ZNF503: variants seen among roughly 807,000 people sequenced by gnomAD.
ZNF503 encodes the protein zinc finger protein 503, also known as NocA-like zinc finger 2.
In ZNF503, 15 loss-of-function variants were observed where a neutral mutation model predicts 34.4. The ratio of observed to expected loss-of-function variants is 0.44; its 90% CI spans 0.29 to 0.67. ZNF503 has a LOEUF of 0.67. ZNF503 is among the 30% of genes least tolerant of loss of function. ZNF503 has a pLI of 0.13. For synonymous variants in ZNF503, 580 were observed against 456.8 expected, an observed-to-expected ratio of 1.27 and a Z score of -3.44; for missense variants, 1,007 against 926.8, an observed-to-expected ratio of 1.09 and a Z score of -1.12.
chr10:75,328,129 G>A, the ZNF503 span, among the ~76,000 whole-genome samples: 6 of 152,128 alleles, frequency 3.9e-5, no homozygotes, highest in South Asian at 4.2e-4. Context: ...CTATTTTTGC[G>A]TGTTGCTTAT....
At chr10:75,396,029 C>T (rs985404093), downstream of ZNF503, among the ~76,000 whole-genome samples, 7 of 152,138 alleles carry the variant, frequency 4.6e-5, no homozygotes, top group African/African-American at 1.7e-4. The surrounding 1 kb of genome is among the most constrained non-coding windows in gnomAD (Gnocchi z 4.4). Flanking sequence ...GCCAGGAGCG[C>T]GTGGCCGCTG....
In ZNF503 at chr10:75,401,468, G is replaced by C. The variant is rs1424101419; in HGVS notation, c.-49C>G. 1 of 1,502,708 alleles carries C rather than the reference G, an allele frequency of 6.7e-7. No individual in the cohort carries two copies. The highest frequency in any genetic ancestry group is 8.8e-7 in the Non-Finnish European group (1 of 1,134,276). The allele number at this position is 1,502,708 out of a possible 1,614,324, so 93.1% of individuals were successfully genotyped here. A position where few individuals can be genotyped will look rare whatever the true frequency, so the allele number is the denominator to read the frequency against. On this transcript the variant is annotated 5_prime_UTR_variant, in exon 1 of 2. Transcript: ENST00000372524. Reference sequence around the variant, plus strand: ...AGCGGGGGGGAGGGCTCCGGGAGGCGCGGGGCGGGCTCGGGGCTGCGCGCT... The same window carrying C: ...AGCGGGGGGGAGGGCTCCGGGAGGCCCGGGGCGGGCTCGGGGCTGCGCGCT...
At chr10:75,353,833 G>A in the ZNF503 span, among the ~76,000 whole-genome samples, 2 of 152,224 alleles carry the variant, frequency 1.3e-5, no homozygotes, top group African/African-American at 4.8e-5. Context: ...ATCCCAGCCT[G>A]CTAGATGCTG....
chr10:75,324,352 G>A, the ZNF503 span, among the ~76,000 whole-genome samples: 23 of 149,294 alleles, frequency 1.5e-4, no homozygotes, highest in African/African-American at 5.7e-4. Flanking sequence ...ACAGGGTCTC[G>A]CTCTATCACC....
chr10:75,286,453 G>T, the ZNF503 span, among the ~76,000 whole-genome samples: 1 of 152,222 alleles, frequency 6.6e-6, no homozygotes, highest in East Asian at 1.9e-4. Flanking sequence ...CATGGGTCAT[G>T]TTCCCGTGGC....
chr10:75,390,132 C>T, the ZNF503 span, among the ~76,000 whole-genome samples: 2 of 151,874 alleles, frequency 1.3e-5, no homozygotes, highest in Non-Finnish European at 1.5e-5. Context: ...CTCCTGACCT[C>T]GTGATCCGCC....
intron 1 of ZNF503, among the ~76,000 whole-genome samples, chr10:75,400,766 A>G (rs1202611462): frequency 1.3e-5 from 2 of 152,328 alleles, no homozygotes; most frequent in African/African-American, 4.8e-5. Context: ...GTGTGCACAC[A>G]CTGGCTTCTG....
downstream of ZNF503, among the ~76,000 whole-genome samples, chr10:75,396,026 G>T (rs1843692577): frequency 6.6e-6 from 1 of 152,168 alleles, no homozygotes; most frequent in Non-Finnish European, 1.5e-5. The surrounding 1 kb of genome is among the most constrained non-coding windows in gnomAD (Gnocchi z 4.4). Flanking sequence ...GTGGCCAGGA[G>T]CGCGTGGCCG....
the ZNF503 span, among the ~76,000 whole-genome samples, chr10:75,326,345 A>G: frequency 6.6e-6 from 1 of 152,020 alleles, no homozygotes; most frequent in African/African-American, 2.4e-5. Context: ...TGTGATCTTA[A>G]TCTGGTTATT....
the ZNF503 span, among the ~76,000 whole-genome samples, chr10:75,293,021 G>A: frequency 2.6e-5 from 4 of 152,328 alleles, no homozygotes; most frequent in Admixed American, 6.5e-5. Flanking sequence ...GAGAGAATCC[G>A]ATGGGTTGCA....
chr10:75,398,659 T>TG lies in ZNF503; in HGVS notation c.*89dup, dbSNP rs1843734381. 8.4e-7 allele frequency: 1 copy of TG among 1,190,530 alleles called. No homozygotes were observed. The highest frequency in any genetic ancestry group is 3.1e-5 in the East Asian group (1 of 32,546). 73.7% of individuals were successfully genotyped at this position (1,190,530 alleles called of 1,614,324 possible). A position where few individuals can be genotyped will look rare whatever the true frequency, so the allele number is the denominator to read the frequency against. On this transcript the variant is annotated 3_prime_UTR_variant, in exon 2 of 2. Transcript: ENST00000372524. Reference sequence around the variant, plus strand: ...GGCCCGAGTCCTCCCCACGCGCGGGTGTCAGCAGCCTGGGCCGTGATCCCG... The same window carrying TG: ...GGCCCGAGTCCTCCCCACGCGCGGGTGGTCAGCAGCCTGGGCCGTGATCCCG...
chr10:75,325,392 C>T, the ZNF503 span, among the ~76,000 whole-genome samples: 1 of 151,106 alleles, frequency 6.6e-6, no homozygotes, highest in African/African-American at 2.4e-5. Flanking sequence ...GTAGCACAAT[C>T]AGCTCACTCA....
chr10:75,329,430 CCTTCCTTTCTTT>C, the ZNF503 span, among the ~76,000 whole-genome samples: 4 of 106,574 alleles, frequency 3.8e-5, no homozygotes, highest in Admixed American at 9.8e-5. Flanking sequence ...TTCCTTCCTT[CCTTCCTTTCTTT>C]CTTTCTTTCT....
the ZNF503 span, among the ~76,000 whole-genome samples, chr10:75,358,078 C>T: frequency 6.6e-6 from 1 of 152,170 alleles, no homozygotes; most frequent in South Asian, 2.1e-4. Flanking sequence ...GAGAACTTTC[C>T]TGCCCAGGGA....
chr10:75,310,020 C>T, the ZNF503 span, among the ~76,000 whole-genome samples: 87 of 152,126 alleles, frequency 5.7e-4, no homozygotes, highest in African/African-American at 2.0e-3. Flanking sequence ...TTAAAATTTC[C>T]TGGGAGTTGT....
At chr10:75,313,201 A>G in the ZNF503 span, among the ~76,000 whole-genome samples, 67 of 152,308 alleles carry the variant, frequency 4.4e-4, no homozygotes, top group Non-Finnish European at 9.0e-4. Context: ...GCAAGATGGC[A>G]AAATAGGGGT....
At chr10:75,296,500 C>G in the ZNF503 span, 1 of 151,740 alleles carries the variant, frequency 6.6e-6, no homozygotes, top group African/African-American at 2.4e-5. Context: ...GCTCAGACAC[C>G]CCCCCTTCCT....
the ZNF503 span, among the ~76,000 whole-genome samples, chr10:75,366,520 A>AC: frequency 6.6e-6 from 1 of 152,164 alleles, no homozygotes; most frequent in Non-Finnish European, 1.5e-5. Flanking sequence ...TGGGTGCTTC[A>AC]CCCCACTTAA....
chr10:75,396,297 G>A (rs190712990), downstream of ZNF503, among the ~76,000 whole-genome samples: 84 of 152,218 alleles, frequency 5.5e-4, no homozygotes, highest in Non-Finnish European at 1.0e-3. This position sits in a 1 kb window ranked among gnomAD's most constrained non-coding sequence, Gnocchi z 4.4. Flanking sequence ...GGTCCTCCTC[G>A]GCGCCAGCTC....
Sources: gnomAD v4.1 joint callset for allele counts (sites outside exome capture counted in the v4.1 genomes callset) on GRCh38, gnomAD v4.1.1 for gene constraint, Gnocchi (gnomAD v3.1) non-coding constraint, MANE v1.5 for transcripts, NCBI Gene and HGNC (gene_info 2026-07-23, HGNC 2026-07-21) for gene names.